MGAT4B: variants seen among roughly 807,000 people sequenced by gnomAD.
MGAT4B encodes the protein alpha-1,3-mannosyl-glycoprotein 4-beta-N-acetylglucosaminyltransferase B.
A neutral mutation model predicts 73.9 loss-of-function variants in MGAT4B; 38 were observed. That is an observed-to-expected ratio of 0.51 (90% confidence interval 0.40 to 0.67). The LOEUF (loss-of-function observed/expected upper bound fraction) is 0.67, where lower values mean the gene tolerates loss of function less well. Ranked by LOEUF, MGAT4B falls within the 30% of genes least tolerant of loss-of-function variation. MGAT4B has a pLI of 0.00. For missense variants in MGAT4B, 686 were observed against 735.2 expected (o/e 0.93, Z 0.77); for synonymous variants, 373 against 313.5 (o/e 1.19, Z -2.01).
At position 179,806,600 on chromosome 5, in the gene MGAT4B, CG is replaced by C; in HGVS notation, c.-18del. On this transcript the variant is annotated 5_prime_UTR_variant, in exon 1 of 15. Coordinates refer to ENST00000292591, the MANE Select transcript of MGAT4B (RefSeq NM_014275.5). This position sits in a 1 kb window ranked among gnomAD's most constrained non-coding sequence, Gnocchi z 4.6. ...GAGCCTCATCTCCTCGGGTGCGCGG[CG>C]GGCGCCCGCGGGGCCGAGGCTGCAT... 8.2e-7 allele frequency: 1 copy of C among 1,217,080 alleles called. No individual in the cohort carries two copies. Among genetic ancestry groups the C allele is most frequent in the Non-Finnish European group, 1.1e-6 (1 of 948,350 alleles). 75.4% of individuals were successfully genotyped at this position (1,217,080 alleles called of 1,614,324 possible).
intron 5 of MGAT4B, 125 bp from the exon 6 acceptor site, chr5:179,800,722 C>G: frequency 1.0e-6 from 1 of 996,038 alleles, no homozygotes; most frequent in Non-Finnish European, 1.5e-6. Flanking sequence ...CTACACCCAG[C>G]CAACTGAGGT....
chr5:179,800,650 C>T, intron 5 of MGAT4B, 53 bp from the exon 6 acceptor site: 1 of 1,324,858 alleles, frequency 7.5e-7, no homozygotes, highest in Non-Finnish European at 1.1e-6. Flanking sequence ...CTGAGAGGGG[C>T]CGAGCCCACC....
intron 1 of MGAT4B, chr5:179,805,284 CCTTCATGCCAGTGTG>C (rs1757095616): frequency 6.6e-6 from 1 of 152,334 alleles, no homozygotes; most frequent in Non-Finnish European, 1.5e-5. Context: ...CCCACCTAGG[CCTTCATGCCAGTGTG>C]CTTTTATAGT....
In MGAT4B at chr5:179,806,457, A is replaced by T. The variant is rs1272046221; in HGVS notation, c.97+30T>A. The T allele has an allele frequency of 1.4e-5, 17 of 1,216,666 alleles. No individual in the cohort carries two copies. The highest frequency in any genetic ancestry group is 1.7e-5 in the Non-Finnish European group (16 of 951,948). 75.4% of individuals were successfully genotyped at this position (1,216,666 alleles called of 1,614,324 possible). A position where few individuals can be genotyped will look rare whatever the true frequency, so the allele number is the denominator to read the frequency against. On this transcript the variant is annotated intron_variant, in intron 1 of 14. Coordinates refer to ENST00000292591, the MANE Select transcript of MGAT4B (RefSeq NM_014275.5). This position sits in a 1 kb window ranked among gnomAD's most constrained non-coding sequence, Gnocchi z 4.6. Reference sequence around the variant, plus strand: ...CCCGCCGCCGACGCCCAGGTGCGCCAGGTGCGGGCCGGGCGGGGGTCGCGC... The same window carrying T: ...CCCGCCGCCGACGCCCAGGTGCGCCTGGTGCGGGCCGGGCGGGGGTCGCGC...
chr5:179,805,825 G>C (rs983821765), intron 1 of MGAT4B, among the ~76,000 whole-genome samples: 42 of 152,348 alleles, frequency 2.8e-4, no homozygotes, highest in African/African-American at 9.6e-4. Flanking sequence ...CGGCCAGCGG[G>C]GCGGCGCGGG....
At chr5:179,800,107 G>C in intron 7 of MGAT4B, 39 bp from the exon 8 acceptor site, 1 of 1,610,028 alleles carries the variant, frequency 6.2e-7, no homozygotes, top group Non-Finnish European at 8.5e-7. Context: ...CTGAGGAAGG[G>C]CACCCAGATG....
Position 179,801,699 on chromosome 5 carries a change from G to A in MGAT4B, c.284-5C>T, listed in dbSNP as rs1158581843. 6.2e-7 allele frequency: 1 copy of A among 1,608,020 alleles called. No homozygotes were observed. Among genetic ancestry groups the A allele is most frequent in the East Asian group, 2.2e-5 (1 of 44,602 alleles). ...ACGGCTTCAATCGGGGGTCCTCTGGGTGGGTCGGGAAGGATCGGGACTGAG... is the reference window on the plus strand; with the variant it reads ...ACGGCTTCAATCGGGGGTCCTCTGGATGGGTCGGGAAGGATCGGGACTGAG... On this transcript the variant is annotated splice_region_variant and splice_polypyrimidine_tract_variant and intron_variant, in intron 2 of 14. Coordinates refer to ENST00000292591, the MANE Select transcript of MGAT4B (RefSeq NM_014275.5). The surrounding 1 kb of genome is among the most constrained non-coding windows in gnomAD (Gnocchi z 4.8).
chr5:179,801,749 C>A lies in MGAT4B; in HGVS notation c.283+35G>T, dbSNP rs575757111. 1.3e-6 allele frequency: 2 copies of A among 1,570,584 alleles called. No individual in the cohort carries two copies. The highest frequency in any genetic ancestry group is 1.7e-6 in the Non-Finnish European group (2 of 1,156,416). On this transcript the variant is annotated intron_variant, in intron 2 of 14. Coordinates refer to ENST00000292591, the MANE Select transcript of MGAT4B (RefSeq NM_014275.5). The surrounding 1 kb of genome is among the most constrained non-coding windows in gnomAD (Gnocchi z 4.8). ...GACCAGGGAACCTACAACCAGCCCGCCCCCGCCTTTTCCCCCTCCCGCCCC... is the reference window on the plus strand; with the variant it reads ...GACCAGGGAACCTACAACCAGCCCGACCCCGCCTTTTCCCCCTCCCGCCCC...
chr5:179,798,167 C>A lies in MGAT4B; in HGVS notation c.1621G>T (p.Glu541Ter). The A allele has an allele frequency of 6.3e-7, 1 of 1,592,944 alleles. No individual in the cohort carries two copies. Among genetic ancestry groups the A allele is most frequent in the South Asian group, 1.1e-5 (1 of 88,990 alleles). ...GGCCTGGCCCTGCCCAGCCTCACCTCGCTCAGAATCACCCACACAGGGGAG... is the reference window on the plus strand; with the variant it reads ...GGCCTGGCCCTGCCCAGCCTCACCTAGCTCAGAATCACCCACACAGGGGAG... ...TDSPVWVILSEIFLKKAD is the reference protein window; with the variant it reads ...TDSPVWVILS Residue 541 changes from glutamate to a stop codon, truncating the protein, a stop_gained and splice_region_variant, in exon 14 of 15, where the codon GAG (glutamate) becomes TAG (stop). Coordinates refer to ENST00000292591, the MANE Select transcript of MGAT4B (RefSeq NM_014275.5). LOFTEE classifies it high-confidence loss of function.
chr5:179,798,127 C>T, intron 14 of MGAT4B, 38 bp downstream of exon 14: 3 of 1,594,226 alleles, frequency 1.9e-6, no homozygotes, highest in Non-Finnish European at 2.6e-6. Context: ...GTCTCCCTGG[C>T]TGCTCCCCGT....
chr5:179,798,917 C>G lies in MGAT4B; in HGVS notation c.1343+11G>C, dbSNP rs1389532661. On this transcript the variant is annotated intron_variant, in intron 11 of 14. Transcript: ENST00000292591. ...CCGCCCCCATCGCAGACCCATGGTG[C>G]TGGCACTGACCGCTCCAGTCTTAGA... 1 of 1,613,336 alleles carries G rather than the reference C, an allele frequency of 6.2e-7. No individual in the cohort carries two copies. The highest frequency in any genetic ancestry group is 8.5e-7 in the Non-Finnish European group (1 of 1,179,986).
chr5:179,797,984 C>T lies in MGAT4B; in HGVS notation c.*61G>A, dbSNP rs779194357. ...TCTGGCCCTCCGGGGACGGCAGTGA[C>T]GACACCCCCAGAAATGTGGGCTTCA... is the stretch of plus-strand genomic sequence containing the variant. On this transcript the variant is annotated 3_prime_UTR_variant, in exon 15 of 15. Coordinates refer to ENST00000292591, the MANE Select transcript of MGAT4B (RefSeq NM_014275.5). 18 of 1,568,276 alleles carry T rather than the reference C, an allele frequency of 1.1e-5. No individual in the cohort carries two copies. Among genetic ancestry groups the T allele is most frequent in the East Asian group, 4.7e-5 (2 of 42,800 alleles).
intron 6 of MGAT4B, 71 bp downstream of exon 6, chr5:179,800,413 C>T (rs1756862033): frequency 7.0e-7 from 1 of 1,420,910 alleles, no homozygotes; most frequent in Admixed American, 1.8e-5. Flanking sequence ...ACACCCTGGA[C>T]TCAAACACCA....
At chr5:179,805,795 G>C (rs1302083272) in intron 1 of MGAT4B, among the ~76,000 whole-genome samples, 2 of 152,224 alleles carry the variant, frequency 1.3e-5, no homozygotes, top group African/African-American at 2.4e-5. Context: ...GGCCCTACTC[G>C]GCCCCACCAT....
In MGAT4B at chr5:179,800,054, G is replaced by T; in HGVS notation, c.810C>A (p.Ile270=). 1.2e-6 allele frequency: 2 copies of T among 1,613,986 alleles called. No individual in the cohort carries two copies. The highest frequency in any genetic ancestry group is 1.7e-6 in the Non-Finnish European group (2 of 1,179,964). Reference sequence around the variant, plus strand: ...TGCTCAGGTAGTTGGGCTTGGCCACGATGTCATCCTCCAGCTGCGAGGTGA... The same window carrying T: ...TGCTCAGGTAGTTGGGCTTGGCCACTATGTCATCCTCCAGCTGCGAGGTGA... ...GIYYVQLEDD[I]VAKPNYLSTM... is the part of the protein sequence containing the mutation. Residue 270 remains isoleucine (I), a synonymous_variant, in exon 8 of 15, where the codon ATC becomes ATA. Coordinates refer to ENST00000292591, the MANE Select transcript of MGAT4B (RefSeq NM_014275.5).
chr5:179,801,635 C>G lies in MGAT4B; in HGVS notation c.343G>C (p.Val115Leu), dbSNP rs773692169. ...SHRHVLHLPT[V>L]FHHLPHLLAK... is the part of the protein sequence containing the mutation. ...AGCAGGTGTGGCAGGTGATGGAAGA[C>G]GGTGGGCAGGTGCAGCACGTGCCGG... Residue 115 changes from valine (V) to leucine (L), a missense_variant, in exon 3 of 15, where the codon GTC becomes CTC. Physicochemically the swap from Val to Leu is conservative, Grantham distance 32. Transcript: ENST00000292591. The surrounding 1 kb of genome is among the most constrained non-coding windows in gnomAD (Gnocchi z 4.8). 5.6e-6 allele frequency: 9 copies of G among 1,605,946 alleles called. No homozygotes were observed. The highest frequency in any genetic ancestry group is 6.8e-6 in the Non-Finnish European group (8 of 1,177,892).
At chr5:179,798,756 A>T in intron 11 of MGAT4B, 165 bp from the exon 12 acceptor site, 1 of 1,068,614 alleles carries the variant, frequency 9.4e-7, no homozygotes, top group Non-Finnish European at 1.4e-6. Flanking sequence ...GACAGGAAAC[A>T]TCCCTGAGCT....
rs532488563 is a variant in MGAT4B, at chr5:179,801,527, C to T, written c.424+27G>A. On this transcript the variant is annotated intron_variant, in intron 3 of 14. Transcript: ENST00000292591. This position sits in a 1 kb window ranked among gnomAD's most constrained non-coding sequence, Gnocchi z 4.8. ...GCGGGGGCCACCCGTCCCCCCACCC[C>T]GTGCTCCTCCCTGTCTGCGCCCATA... 67 of 1,603,690 alleles carry T rather than the reference C, an allele frequency of 4.2e-5. No homozygotes were observed. Among genetic ancestry groups the T allele is most frequent in the East Asian group, 2.2e-4 (10 of 44,518 alleles).
chr5:179,802,795 A>G (rs1187226526), intron 1 of MGAT4B: 1 of 985,406 alleles, frequency 1.0e-6, no homozygotes, highest in Non-Finnish European at 1.2e-6. Context: ...CAAGAATGAG[A>G]TCAACAACCT....
Sources: allele counts gnomAD v4.1 joint callset (sites outside exome capture counted in the v4.1 genomes callset), GRCh38; gene constraint gnomAD v4.1.1; non-coding constraint Gnocchi (gnomAD v3.1); transcripts MANE v1.5; gene names NCBI Gene and HGNC (gene_info 2026-07-23, HGNC 2026-07-21).